Variants in MDGA2 observed in about 807,000 individuals in gnomAD.
MDGA2 encodes MAM domain containing glycosylphosphatidylinositol anchor 2, also known as MAM domain-containing glycosylphosphatidylinositol anchor protein 2.
Under a neutral mutation model 117.8 loss-of-function variants are expected in MDGA2, and 40 were observed. The observed-to-expected ratio is 0.34, with a 90% CI of 0.26 to 0.44. MDGA2 has a LOEUF of 0.44. MDGA2 is among the 20% of genes least tolerant of loss of function. The pLI is 1.00. For synonymous variants in MDGA2, 452 were observed against 439.0 expected, an observed-to-expected ratio of 1.03 and a Z score of -0.37; for missense variants, 1,123 against 1,250.6, an observed-to-expected ratio of 0.90 and a Z score of 1.54.
intron 1 of MDGA2, among the ~76,000 whole-genome samples, chr14:47,330,127 C>G (rs981317529): frequency 1.3e-5 from 2 of 151,854 alleles, no homozygotes; most frequent in African/African-American, 4.8e-5. Context: ...GTATATTTCA[C>G]AAGTAGCAAT....
intron 8 of MDGA2, among the ~76,000 whole-genome samples, chr14:47,019,151 CA>C (rs943321888): frequency 2.1e-4 from 32 of 151,656 alleles, no homozygotes; most frequent in African/African-American, 6.5e-4. Flanking sequence ...TGATTAAAGT[CA>C]AAAAATATGA....
chr14:47,492,329 CA>C (rs2138655953), intron 1 of MDGA2, among the ~76,000 whole-genome samples: 1 of 152,154 alleles, frequency 6.6e-6, no homozygotes, highest in South Asian at 2.1e-4. Flanking sequence ...CTCAATCATC[CA>C]TTAGACAAAG....
rs1039861777 is a variant in MDGA2 at position 47,132,365 on chromosome 14, T to C, written c.793-519A>G. On this transcript the variant is annotated intron_variant, in intron 4 of 16. Coordinates refer to ENST00000399232, the MANE Select transcript of MDGA2 (RefSeq NM_001113498.3). ...ATTACATTTATAAACATAAATATTTTGTATATGGAGCAATGACAGGTGACA... is the reference window on the plus strand; with the variant it reads ...ATTACATTTATAAACATAAATATTTCGTATATGGAGCAATGACAGGTGACA... 9.2e-5 allele frequency among the ~76,000 whole-genome samples: 14 copies of C among 152,076 alleles called. No homozygotes were observed. The East Asian group carries it at 1.9e-3, about 21-fold the overall frequency.
intron 9 of MDGA2, among the ~76,000 whole-genome samples, chr14:46,928,277 G>A (rs1307144162): frequency 6.6e-6 from 1 of 152,030 alleles, no homozygotes; most frequent in African/African-American, 2.4e-5. Context: ...ATGAATTTAT[G>A]AACTGATAAA....
chr14:46,920,698 A>G (rs1884093519), intron 9 of MDGA2, among the ~76,000 whole-genome samples: 1 of 152,166 alleles, frequency 6.6e-6, no homozygotes, highest in African/African-American at 2.4e-5. Context: ...GGAGATAAAA[A>G]CCACACCGAT....
At chr14:47,532,017 T>C (rs1895111158) in intron 1 of MDGA2, among the ~76,000 whole-genome samples, 1 of 152,180 alleles carries the variant, frequency 6.6e-6, no homozygotes, top group South Asian at 2.1e-4. Context: ...CCACCACATC[T>C]AGATTCTCTA....
chr14:47,131,690 T>A (rs1882211346), intron 5 of MDGA2, 24 bp downstream of exon 5: 1 of 1,469,544 alleles, frequency 6.8e-7, no homozygotes, highest in South Asian at 1.5e-5. Flanking sequence ...AAGATACATG[T>A]AACATACAGA....
At chr14:47,050,359 T>G (rs919071315) in intron 7 of MDGA2, among the ~76,000 whole-genome samples, 6 of 152,064 alleles carry the variant, frequency 3.9e-5, no homozygotes, top group Non-Finnish European at 8.8e-5. Flanking sequence ...GCAATGAGAA[T>G]GTAAGAAGCA....
At chr14:47,118,170 C>A (rs1030244614) in intron 5 of MDGA2, among the ~76,000 whole-genome samples, 7 of 152,112 alleles carry the variant, frequency 4.6e-5, no homozygotes, top group Non-Finnish European at 7.3e-5. Context: ...TCAACAAGAG[C>A]CAATTCAAGC....
At chr14:46,885,352 A>C (rs1882633481) in intron 10 of MDGA2, among the ~76,000 whole-genome samples, 1 of 152,182 alleles carries the variant, frequency 6.6e-6, no homozygotes, top group East Asian at 1.9e-4. Flanking sequence ...ACAATTAACT[A>C]GACTTTATTA....
At chr14:47,644,700 G>A (rs944799235) in intron 1 of MDGA2, among the ~76,000 whole-genome samples, 4 of 151,868 alleles carry the variant, frequency 2.6e-5, no homozygotes, top group African/African-American at 4.8e-5. Flanking sequence ...AAAAAACTAG[G>A]AGAGGATTTT....
At chr14:47,017,030 A>G (rs1888108212) in intron 8 of MDGA2, among the ~76,000 whole-genome samples, 1 of 151,716 alleles carries the variant, frequency 6.6e-6, no homozygotes, top group Non-Finnish European at 1.5e-5. Flanking sequence ...CTCCTTTCCT[A>G]TTTAGGAAAA....
At chr14:47,162,037 C>A (rs1883662631) in intron 3 of MDGA2, among the ~76,000 whole-genome samples, 1 of 136,252 alleles carries the variant, frequency 7.3e-6, no homozygotes, top group Non-Finnish European at 1.5e-5. Context: ...CCTCCACCTC[C>A]CGGATTCAAG....
chr14:47,466,429 G>A (rs1285206865), intron 1 of MDGA2, among the ~76,000 whole-genome samples: 1 of 152,120 alleles, frequency 6.6e-6, no homozygotes, highest in Non-Finnish European at 1.5e-5. Flanking sequence ...ATTGACAGAT[G>A]GAGAGAGATA....
intron 2 of MDGA2, among the ~76,000 whole-genome samples, chr14:47,235,237 T>C (rs1291059779): frequency 1.3e-5 from 2 of 152,228 alleles, no homozygotes; most frequent in Non-Finnish European, 2.9e-5. Flanking sequence ...TAATAGCTCA[T>C]GATTCTTTGG....
At chr14:47,450,095 A>T (rs541959263) in intron 1 of MDGA2, among the ~76,000 whole-genome samples, 6 of 152,202 alleles carry the variant, frequency 3.9e-5, no homozygotes, top group African/African-American at 1.4e-4. Flanking sequence ...CACATGCATT[A>T]CCACATATAT....
intron 5 of MDGA2, among the ~76,000 whole-genome samples, chr14:47,103,599 G>A (rs560915221): frequency 6.6e-6 from 1 of 152,320 alleles, no homozygotes; most frequent in South Asian, 2.1e-4. Context: ...TTTTGCTACA[G>A]ATATTGAAGC....
At chr14:47,289,528 A>G (rs1888808883) in intron 2 of MDGA2, among the ~76,000 whole-genome samples, 1 of 152,060 alleles carries the variant, frequency 6.6e-6, no homozygotes, top group Non-Finnish European at 1.5e-5. Context: ...ACATTTCTGA[A>G]CTATGTCAAT....
At position 47,021,832 on chromosome 14, in the gene MDGA2, G is replaced by T. The variant is rs28484922; in HGVS notation, c.1819+13179C>A. Reference sequence around the variant, plus strand: ...CACACAATTAAAATTGGCACTGCTAGAATTTGAATCCAGAGCCAGACTTAG... The same window carrying T: ...CACACAATTAAAATTGGCACTGCTATAATTTGAATCCAGAGCCAGACTTAG... On this transcript the variant is annotated intron_variant, in intron 8 of 16. Coordinates refer to ENST00000399232, the MANE Select transcript of MDGA2 (RefSeq NM_001113498.3). Among the ~76,000 whole-genome samples the T allele has an allele frequency of 9.6e-3, 1,461 of 152,238 alleles. 19 individuals carry two copies. Among genetic ancestry groups the T allele is most frequent in the African/African-American group, 0.033 (1,363 of 41,524 alleles).
Sources: allele counts gnomAD v4.1 joint callset (sites outside exome capture counted in the v4.1 genomes callset), GRCh38; gene constraint gnomAD v4.1.1; transcripts MANE v1.5; gene names NCBI Gene and HGNC (gene_info 2026-07-23, HGNC 2026-07-21).